ARMH1: variants seen among roughly 807,000 people sequenced by gnomAD.
ARMH1 encodes armadillo-like helical domain containing protein 1.
Under a neutral mutation model 50.2 loss-of-function variants are expected in ARMH1, and 34 were observed. The ratio of observed to expected loss-of-function variants is 0.68; its 90% CI spans 0.51 to 0.90. ARMH1 has a LOEUF of 0.90. Ranked by LOEUF, ARMH1 falls within the 40% of genes least tolerant of loss-of-function variation. The probability of loss-of-function intolerance (pLI) is 0.00; values close to 1 mark genes in which losing one functional copy is unlikely to be tolerated. For synonymous variants in ARMH1, 221 were observed against 224.2 expected, an observed-to-expected ratio of 0.99 and a Z score of 0.13; for missense variants, 538 against 553.9, an observed-to-expected ratio of 0.97 and a Z score of 0.29.
intron 6 of ARMH1, among the ~76,000 whole-genome samples, chr1:44,709,285 C>G (rs1050121921): frequency 3.3e-5 from 5 of 152,154 alleles, no homozygotes; most frequent in Admixed American, 2.0e-4. Context: ...TCTCTGTATA[C>G]TTTTTCCCTA....
intron 4 of ARMH1, among the ~76,000 whole-genome samples, chr1:44,699,432 A>G (rs1573365972): frequency 6.6e-6 from 1 of 152,156 alleles, no homozygotes; most frequent in Non-Finnish European, 1.5e-5. Flanking sequence ...TCTGGTGAGA[A>G]AAGTAAATAA....
chr1:44,721,279 T>C (rs190606034), intron 6 of ARMH1, among the ~76,000 whole-genome samples: 18 of 152,078 alleles, frequency 1.2e-4, no homozygotes, highest in African/African-American at 4.3e-4. Flanking sequence ...CAGAATTGTT[T>C]GTGTCCCCAG....
intron 6 of ARMH1, among the ~76,000 whole-genome samples, chr1:44,711,978 CT>C (rs1399631008): frequency 6.6e-6 from 1 of 152,178 alleles, no homozygotes; most frequent in African/African-American, 2.4e-5. Flanking sequence ...AATGAGAAAG[CT>C]GTAGATCAAA....
rs2148574863 is a variant in ARMH1, at chr1:44,681,800, T to C, written c.-23+6927T>C. ...AGGTGGGAAGGTAAGGAGCTTGGAA[T>C]TGTAGACTTCATAGGTGGGATGGTG... On this transcript the variant is annotated intron_variant, in intron 1 of 11. Coordinates refer to ENST00000535358, the MANE Select transcript of ARMH1 (RefSeq NM_001145636.2). The surrounding 1 kb of genome is among the most constrained non-coding windows in gnomAD (Gnocchi z 4.3). Among the ~76,000 whole-genome samples the C allele has an allele frequency of 1.3e-5, 2 of 152,318 alleles. No homozygotes were observed. Among genetic ancestry groups the C allele is most frequent in the South Asian group, 4.1e-4 (2 of 4,830 alleles).
At chr1:44,714,608 G>C (rs977626342) in intron 6 of ARMH1, among the ~76,000 whole-genome samples, 2 of 151,740 alleles carry the variant, frequency 1.3e-5, no homozygotes, top group African/African-American at 4.8e-5. Flanking sequence ...AAAGGTAGCA[G>C]GGTATACAGA....
intron 4 of ARMH1, among the ~76,000 whole-genome samples, chr1:44,699,977 G>C (rs950698067): frequency 2.0e-5 from 3 of 151,906 alleles, no homozygotes; most frequent in Admixed American, 2.0e-4. Context: ...CTACAGGCGC[G>C]TGCCACCAGA....
rs1272812913 is a variant in ARMH1 at position 44,682,332 on chromosome 1, C to G, written c.-22-7344C>G. Among the ~76,000 whole-genome samples the G allele has an allele frequency of 6.6e-6, 1 of 152,078 alleles. No individual in the cohort carries two copies. The highest frequency in any genetic ancestry group is 6.6e-5 in the Admixed American group (1 of 15,262). ...TCAAAGTCATTGATCGGCACTGCGG[C>G]AAGGTAGAGAGGGAAAGACAGATGG... On this transcript the variant is annotated intron_variant, in intron 1 of 11. Transcript: ENST00000535358. This position sits in a 1 kb window ranked among gnomAD's most constrained non-coding sequence, Gnocchi z 4.5.
chr1:44,721,472 CA>C (rs1008976221), intron 6 of ARMH1, among the ~76,000 whole-genome samples: 2 of 151,566 alleles, frequency 1.3e-5, no homozygotes, highest in African/African-American at 4.9e-5. Flanking sequence ...AGACTTCAGC[CA>C]AATTATTAGA....
Position 44,674,762 on chromosome 1 carries a change from G to T in ARMH1, c.-134G>T, listed in dbSNP as rs1048524329. 6 of 229,830 alleles carry T rather than the reference G, an allele frequency of 2.6e-5. No individual in the cohort carries two copies. The allele number at this position is 229,830 out of a possible 1,614,324, so 14.2% of individuals were successfully genotyped here. ...TTGCTGTATTCTGGGAATGGGCAGG[G>T]TCACTCGTCCGAACAGAGTCCTATC... is the stretch of plus-strand genomic sequence containing the variant. On this transcript the variant is annotated 5_prime_UTR_variant, in exon 1 of 12. Coordinates refer to ENST00000535358, the MANE Select transcript of ARMH1 (RefSeq NM_001145636.2).
At chr1:44,687,999 G>A (rs1328513996) in intron 1 of ARMH1, among the ~76,000 whole-genome samples, 2 of 152,190 alleles carry the variant, frequency 1.3e-5, no homozygotes, top group Non-Finnish European at 2.9e-5. Flanking sequence ...TTTCCTGCCT[G>A]ATAAAGCTAG....
chr1:44,698,083 T>C lies in ARMH1; in HGVS notation c.296T>C (p.Phe99Ser). ...AVSSNRYLIE[F>S]LEVGGVLTLL... ...GACAGTAATCGGTACCTTATAGAAT[T>C]TCTTGAGGTTGGAGGTGTCCTAACC... Residue 99 changes from phenylalanine (F) to serine (S), a missense_variant, in exon 4 of 12, where the codon TTT (phenylalanine) becomes TCT (serine). Physicochemically the swap from Phe to Ser is radical, Grantham distance 155. Coordinates refer to ENST00000535358, the MANE Select transcript of ARMH1 (RefSeq NM_001145636.2). 4 of 1,550,670 alleles carry C rather than the reference T, an allele frequency of 2.6e-6. No individual in the cohort carries two copies. The highest frequency in any genetic ancestry group is 3.5e-6 in the Non-Finnish European group (4 of 1,146,110).
intron 4 of ARMH1, among the ~76,000 whole-genome samples, chr1:44,699,819 CT>C (rs1645980268): frequency 6.7e-6 from 1 of 150,120 alleles, no homozygotes. Context: ...TCCCTTTTTC[CT>C]TTTCTTTTTC....
rs183954542 is a variant in ARMH1 at position 44,713,224 on chromosome 1, G to A, written c.724+9051G>A. 6.9e-4 allele frequency among the ~76,000 whole-genome samples: 104 copies of A among 149,760 alleles called. 3 individuals are homozygous for A. The highest frequency in any genetic ancestry group is 2.0e-4 in the Admixed American group (3 of 14,784). On this transcript the variant is annotated intron_variant, in intron 6 of 11. Transcript: ENST00000535358. ...AGCAATTTTCGTGCCTCAGCCTCCC[G>A]AGTAGCTGGGACCACAAGCATGCAG...
Position 44,724,475 on chromosome 1 carries a change from G to T in ARMH1, c.921-64G>T. ...GGCCCCGGGAGCGCTCCGTGCGCCG[G>T]GTGGGCGGGGGTGTGCGCCGGGTGA... On this transcript the variant is annotated intron_variant, in intron 8 of 11. Transcript: ENST00000535358. The surrounding 1 kb of genome is among the most constrained non-coding windows in gnomAD (Gnocchi z 6.4). 3 of 1,508,594 alleles carry T rather than the reference G, an allele frequency of 2.0e-6. No individual in the cohort carries two copies. Among genetic ancestry groups the T allele is most frequent in the Non-Finnish European group, 2.7e-6 (3 of 1,132,058 alleles). 93.5% of individuals were successfully genotyped at this position (1,508,594 alleles called of 1,614,324 possible). A position where few individuals can be genotyped will look rare whatever the true frequency, so the allele number is the denominator to read the frequency against.
chr1:44,681,778 T>A lies in ARMH1; in HGVS notation c.-23+6905T>A, dbSNP rs1645321688. 6.6e-6 allele frequency among the ~76,000 whole-genome samples: 1 copy of A among 151,868 alleles called. No individual in the cohort carries two copies. Among genetic ancestry groups the A allele is most frequent in the South Asian group, 2.1e-4 (1 of 4,828 alleles). On this transcript the variant is annotated intron_variant, in intron 1 of 11. Coordinates refer to ENST00000535358, the MANE Select transcript of ARMH1 (RefSeq NM_001145636.2). The surrounding 1 kb of genome is among the most constrained non-coding windows in gnomAD (Gnocchi z 4.3). ...GCCTTCTGAGAATAGATGGAAGAGG[T>A]GGGAAGGTAAGGAGCTTGGAATTGT... is the stretch of plus-strand genomic sequence containing the variant.
intron 1 of ARMH1, among the ~76,000 whole-genome samples, chr1:44,678,750 G>A (rs1645213994): frequency 6.6e-6 from 1 of 152,116 alleles, no homozygotes; most frequent in South Asian, 2.1e-4. Flanking sequence ...GGCAACCCAT[G>A]CCTTGGAGGC....
At position 44,724,040 on chromosome 1, in the gene ARMH1, G is replaced by A. The variant is rs1452455982; in HGVS notation, c.725-82G>A. Reference sequence around the variant, plus strand: ...TAAAAGAGGAGGACACTGACGAGTGGCGACTTGGTTCACGGGGTTCTTTGC... The same window carrying A: ...TAAAAGAGGAGGACACTGACGAGTGACGACTTGGTTCACGGGGTTCTTTGC... On this transcript the variant is annotated intron_variant, in intron 6 of 11. Coordinates refer to ENST00000535358, the MANE Select transcript of ARMH1 (RefSeq NM_001145636.2). This position sits in a 1 kb window ranked among gnomAD's most constrained non-coding sequence, Gnocchi z 6.4. 6.7e-7 allele frequency: 1 copy of A among 1,496,760 alleles called. No homozygotes were observed. Among genetic ancestry groups the A allele is most frequent in the Non-Finnish European group, 9.0e-7 (1 of 1,116,290 alleles). 92.7% of individuals were successfully genotyped at this position (1,496,760 alleles called of 1,614,324 possible). A position where few individuals can be genotyped will look rare whatever the true frequency, so the allele number is the denominator to read the frequency against.
intron 1 of ARMH1, among the ~76,000 whole-genome samples, chr1:44,678,337 A>G (rs974754328): frequency 6.6e-6 from 1 of 151,800 alleles, no homozygotes; most frequent in Non-Finnish European, 1.5e-5. Flanking sequence ...AGAGGATTTC[A>G]TAGGAAGGAG....
At chr1:44,684,330 T>A (rs1355169247) in intron 1 of ARMH1, 1 of 152,196 alleles carries the variant, frequency 6.6e-6, no homozygotes, top group East Asian at 1.9e-4. Flanking sequence ...AATACATGAC[T>A]GGAGGCTCTT....
Sources: allele counts gnomAD v4.1 joint callset (sites outside exome capture counted in the v4.1 genomes callset), GRCh38; gene constraint gnomAD v4.1.1; non-coding constraint Gnocchi (gnomAD v3.1); transcripts MANE v1.5; gene names NCBI Gene and HGNC (gene_info 2026-07-23, HGNC 2026-07-21).